The following MCU variants were observed in gnomAD, a reference collection of about 807,000 sequenced individuals.
The protein encoded by MCU is mitochondrial calcium uniporter.
A neutral mutation model predicts 45.2 loss-of-function variants in MCU; 12 were observed. That is an observed-to-expected ratio of 0.27 (90% CI 0.17 to 0.43). The LOEUF (loss-of-function observed/expected upper bound fraction) is 0.43, where lower values mean the gene tolerates loss of function less well. Ranked by LOEUF, MCU falls within the 20% of genes least tolerant of loss-of-function variation. MCU has a pLI of 1.00. For synonymous variants in MCU, 160 were observed against 165.1 expected, an observed-to-expected ratio of 0.97 and a Z score of 0.24; for missense variants, 324 against 436.7, an observed-to-expected ratio of 0.74 and a Z score of 2.30.
chr10:72,785,932 T>C (rs1026335217), intron 1 of MCU, among the ~76,000 whole-genome samples: 5 of 152,184 alleles, frequency 3.3e-5, no homozygotes, highest in Non-Finnish European at 7.3e-5. Flanking sequence ...TTGCACGCTT[T>C]AGAGATTCTA....
intron 1 of MCU, among the ~76,000 whole-genome samples, chr10:72,716,447 A>G (rs1244792665): frequency 1.3e-5 from 2 of 152,328 alleles, no homozygotes; most frequent in South Asian, 2.1e-4. Flanking sequence ...ATGGCAGTCC[A>G]GCTTCTTTAT....
chr10:72,705,011 C>T (rs1237080174), intron 1 of MCU, among the ~76,000 whole-genome samples: 2 of 151,048 alleles, frequency 1.3e-5, no homozygotes, highest in African/African-American at 2.4e-5. Context: ...GAGCCACCGC[C>T]CCCAGCCACC....
At chr10:72,834,296 A>C in intron 1 of MCU, 63 bp from the exon 2 acceptor site, 1 of 1,202,504 alleles carries the variant, frequency 8.3e-7, no homozygotes, top group South Asian at 1.3e-5. Flanking sequence ...TATTATATAC[A>C]CACACATAAG....
intron 1 of MCU, among the ~76,000 whole-genome samples, chr10:72,739,932 T>A (rs1227168982): frequency 6.6e-6 from 1 of 151,752 alleles, no homozygotes; most frequent in Non-Finnish European, 1.5e-5. Context: ...TGCCTCAGCC[T>A]CCCAAAGTGC....
intron 1 of MCU, among the ~76,000 whole-genome samples, chr10:72,806,455 C>T (rs889214719): frequency 3.9e-5 from 6 of 152,084 alleles, no homozygotes; most frequent in African/African-American, 9.7e-5. Flanking sequence ...CCACCGCGCC[C>T]GGCATGAAGA....
At chr10:72,843,511 A>T (rs532133859) in intron 2 of MCU, among the ~76,000 whole-genome samples, 1 of 152,124 alleles carries the variant, frequency 6.6e-6, no homozygotes, top group South Asian at 2.1e-4. Flanking sequence ...GCACTGAATA[A>T]TAGTCTGTTA....
At chr10:72,840,917 C>A (rs1045789048) in intron 2 of MCU, among the ~76,000 whole-genome samples, 4 of 152,012 alleles carry the variant, frequency 2.6e-5, no homozygotes, top group Admixed American at 2.6e-4. Flanking sequence ...GAAAAGTCAA[C>A]CAAGAAAAGA....
At chr10:72,754,570 G>A (rs1843547727) in intron 1 of MCU, among the ~76,000 whole-genome samples, 1 of 152,074 alleles carries the variant, frequency 6.6e-6, no homozygotes, top group Admixed American at 6.6e-5. Context: ...GGGCAACATA[G>A]ACCCTGTCTT....
intron 1 of MCU, among the ~76,000 whole-genome samples, chr10:72,794,494 C>T (rs1425982612): frequency 1.3e-5 from 2 of 152,118 alleles, no homozygotes; most frequent in African/African-American, 2.4e-5. Context: ...ATAAAAGTAG[C>T]CTGTTTTTAT....
chr10:72,721,241 A>C (rs1843017517), intron 1 of MCU: 1 of 154,104 alleles, frequency 6.5e-6, no homozygotes, highest in Non-Finnish European at 1.5e-5. Context: ...GTAGCTTCTG[A>C]TCTCACTCAG....
chr10:72,804,068 AT>A (rs1844389337), intron 1 of MCU, among the ~76,000 whole-genome samples: 1 of 73,292 alleles, frequency 1.4e-5, no homozygotes, highest in African/African-American at 6.7e-5. Flanking sequence ...ATATATATAT[AT>A]ATATAAAATA....
chr10:72,710,203 C>T (rs1197001332), intron 1 of MCU, among the ~76,000 whole-genome samples: 1 of 152,124 alleles, frequency 6.6e-6, no homozygotes, highest in Admixed American at 6.6e-5. Context: ...GTCTTGATCT[C>T]CTGACCTCGT....
chr10:72,743,412 CAAAA>C (rs374429962), intron 1 of MCU, among the ~76,000 whole-genome samples: 5 of 74,440 alleles, frequency 6.7e-5, no homozygotes, highest in African/African-American at 2.3e-4. Flanking sequence ...TACTCCATCT[CAAAA>C]AAAAAAAAAA....
At chr10:72,821,675 A>G (rs529202134) in intron 1 of MCU, among the ~76,000 whole-genome samples, 1 of 152,314 alleles carries the variant, frequency 6.6e-6, no homozygotes, top group East Asian at 1.9e-4. Flanking sequence ...CAAGGATAGA[A>G]TATCTCTCTA....
At position 72,692,229 on chromosome 10, in the gene MCU, C is replaced by T. The variant is rs1282467933; in HGVS notation, c.78C>T (p.Cys26=). The T allele has an allele frequency of 1.6e-6, 2 of 1,242,732 alleles. No individual in the cohort carries two copies. Among genetic ancestry groups the T allele is most frequent in the Non-Finnish European group, 1.0e-6 (1 of 988,124 alleles). The allele number at this position is 1,242,732 out of a possible 1,614,324, so 77.0% of individuals were successfully genotyped here. ...RGGGGGGAGG[C]GALTAGCFPG... is the part of the protein sequence containing the mutation. ...GCGGCGGCGGGGGCGCCGGCGGCTGCGGGGCGCTGACTGCCGGCTGCTTCC... is the reference window on the plus strand; with the variant it reads ...GCGGCGGCGGGGGCGCCGGCGGCTGTGGGGCGCTGACTGCCGGCTGCTTCC... The change falls in exon 1 of 8, where the codon TGC becomes TGT. Residue 26 remains cysteine (C), a synonymous_variant. Coordinates refer to ENST00000373053, the MANE Select transcript of MCU (RefSeq NM_138357.3).
intron 1 of MCU, among the ~76,000 whole-genome samples, chr10:72,816,390 A>G (rs1844626856): frequency 6.6e-6 from 1 of 152,224 alleles, no homozygotes; most frequent in South Asian, 2.1e-4. Flanking sequence ...TTTAAGTAAA[A>G]GGAAATTTCC....
At position 72,836,126 on chromosome 10, in the gene MCU, G is replaced by T. The variant is rs373101397; in HGVS notation, c.220+1698G>T. 1.6e-4 allele frequency among the ~76,000 whole-genome samples: 24 copies of T among 151,264 alleles called. No individual in the cohort carries two copies. In the South Asian group the frequency reaches 4.8e-3, roughly 30 times the overall value. ...CATCATTAGATAGTTTGAATAAAAA[G>T]AATTTCACTGTTAAAAAAAAAAAAG... On this transcript the variant is annotated intron_variant, in intron 2 of 7. Transcript: ENST00000373053.
At chr10:72,720,801 A>C (rs1453622856) in intron 1 of MCU, among the ~76,000 whole-genome samples, 1 of 152,220 alleles carries the variant, frequency 6.6e-6, no homozygotes, top group Admixed American at 6.5e-5. Context: ...TATGTTGATC[A>C]ATTGAAATGA....
At chr10:72,790,675 GTACT>G (rs1429592442) in intron 1 of MCU, among the ~76,000 whole-genome samples, 2 of 152,034 alleles carry the variant, frequency 1.3e-5, no homozygotes, top group South Asian at 2.1e-4. Context: ...GGATTCCCTG[GTACT>G]TATTTATTTA....
Sources: gnomAD v4.1 joint callset for allele counts (sites outside exome capture counted in the v4.1 genomes callset) on GRCh38, gnomAD v4.1.1 for gene constraint, MANE v1.5 for transcripts, NCBI Gene and HGNC (gene_info 2026-07-23, HGNC 2026-07-21) for gene names.